Variants in PATJ observed in about 807,000 individuals in gnomAD.
The protein encoded by PATJ is PATJ crumbs cell polarity complex component.
A neutral mutation model predicts 224.9 loss-of-function variants in PATJ; 190 were observed. The ratio of observed to expected loss-of-function variants is 0.84; its 90% CI spans 0.75 to 0.95. The LOEUF (loss-of-function observed/expected upper bound fraction) is 0.95, where lower values mean the gene tolerates loss of function less well. Ranked by LOEUF, PATJ falls within the 40% of genes least tolerant of loss-of-function variation. The pLI is 0.00. For synonymous variants in PATJ, 769 were observed against 820.3 expected (o/e 0.94, Z 1.07); for missense variants, 2,121 against 2,270.3 (o/e 0.93, Z 1.34).
chr1:61,788,698 G>A (rs1042853277), intron 8 of PATJ, among the ~76,000 whole-genome samples: 9 of 151,894 alleles, frequency 5.9e-5, no homozygotes, highest in Admixed American at 2.6e-4. Flanking sequence ...TTTTGAGATG[G>A]AGTTTTGCTC....
intron 24 of PATJ, 127 bp downstream of exon 24, chr1:61,901,586 A>G (rs549535469): frequency 4.8e-6 from 3 of 627,414 alleles, no homozygotes; most frequent in African/African-American, 3.9e-5. Context: ...CTCTATTTAT[A>G]TGCCTTAGTT....
chr1:62,157,822 C>T (rs556125192), intron 43 of PATJ, among the ~76,000 whole-genome samples: 4 of 103,734 alleles, frequency 3.9e-5, no homozygotes, highest in East Asian at 5.4e-4. Context: ...CAGAGTGAGA[C>T]TCTGTCTCCA....
chr1:61,779,265 T>C (rs1647113204), intron 7 of PATJ, among the ~76,000 whole-genome samples: 1 of 152,102 alleles, frequency 6.6e-6, no homozygotes, highest in African/African-American at 2.4e-5. Flanking sequence ...CCAAAATACG[T>C]AGGGAAGGCC....
At chr1:61,831,013 C>T (rs752453859) in intron 16 of PATJ, among the ~76,000 whole-genome samples, 1 of 151,738 alleles carries the variant, frequency 6.6e-6, no homozygotes, top group Non-Finnish European at 1.5e-5. Flanking sequence ...CAGTGAAACC[C>T]CATCTCTACT....
chr1:61,808,561 T>G (rs780922806), intron 14 of PATJ, 31 bp downstream of exon 14: 2 of 1,432,582 alleles, frequency 1.4e-6, no homozygotes, highest in African/African-American at 2.8e-5. Flanking sequence ...AGTTAACAGT[T>G]TTATTTTTTT....
intron 3 of PATJ, among the ~76,000 whole-genome samples, chr1:61,765,483 A>T (rs1646223065): frequency 6.6e-6 from 1 of 151,656 alleles, no homozygotes; most frequent in African/African-American, 2.4e-5. Context: ...TGCGGGATTC[A>T]AGCAATTCTC....
intron 27 of PATJ, among the ~76,000 whole-genome samples, chr1:61,941,385 T>G (rs975277091): frequency 2.6e-5 from 4 of 152,204 alleles, no homozygotes; most frequent in Admixed American, 1.3e-4. Flanking sequence ...GCACGATGGC[T>G]CATGCCTGTA....
chr1:61,987,264 G>A (rs1414751739), intron 27 of PATJ, among the ~76,000 whole-genome samples: 1 of 151,940 alleles, frequency 6.6e-6, no homozygotes, highest in African/African-American at 2.4e-5. Flanking sequence ...TTCTTTTATG[G>A]CCCAATATGC....
intron 27 of PATJ, among the ~76,000 whole-genome samples, chr1:61,951,019 T>C (rs1429905149): frequency 6.6e-6 from 1 of 152,078 alleles, no homozygotes; most frequent in Admixed American, 6.6e-5. Flanking sequence ...TGGTGGCACA[T>C]GCCTGTAATC....
At chr1:61,966,121 C>G (rs56224159) in intron 27 of PATJ, among the ~76,000 whole-genome samples, 2 of 152,038 alleles carry the variant, frequency 1.3e-5, no homozygotes, top group African/African-American at 2.4e-5. Flanking sequence ...AGGCTGTTCT[C>G]GAACTCCTGA....
chr1:61,757,464 A>C (rs555184608), intron 1 of PATJ, among the ~76,000 whole-genome samples: 14 of 152,182 alleles, frequency 9.2e-5, no homozygotes, highest in Admixed American at 2.0e-4. Flanking sequence ...GGCTCACTGC[A>C]GCCTCAACCT....
Position 61,766,280 on chromosome 1 carries a change from T to A in PATJ, c.191T>A (p.Leu64His). 6.3e-7 allele frequency: 1 copy of A among 1,576,764 alleles called. No individual in the cohort carries two copies. Among genetic ancestry groups the A allele is most frequent in the Non-Finnish European group, 8.6e-7 (1 of 1,166,420 alleles). ...QQSIKQLKGQLNHIPSDCSAN... is the reference protein window; with the variant it reads ...QQSIKQLKGQHNHIPSDCSAN... ...ATTCTTTTTTTTTCTCTCCAACAGC[T>A]CAACCATATACCCTCAGATTGTTCA... The change falls in exon 4 of 44, where the codon CTC (leucine) becomes CAC (histidine). Residue 64 changes from leucine to histidine, a missense_variant and splice_region_variant. By Grantham distance (99) the Leu-to-His change is moderately conservative (BLOSUM62 -3). Coordinates refer to ENST00000642238, the MANE Select transcript of PATJ (RefSeq NM_001350145.3).
chr1:61,794,904 C>A (rs986383961), intron 9 of PATJ, among the ~76,000 whole-genome samples: 2 of 151,990 alleles, frequency 1.3e-5, no homozygotes, highest in Non-Finnish European at 2.9e-5. Context: ...ATCACTTGAA[C>A]TCTGAAAGTG....
At chr1:61,863,611 C>G (rs1418765822) in intron 19 of PATJ, among the ~76,000 whole-genome samples, 2 of 152,092 alleles carry the variant, frequency 1.3e-5, no homozygotes, top group African/African-American at 4.8e-5. Flanking sequence ...GTGGTATGCA[C>G]TAGCTGTTCT....
At position 61,988,541 on chromosome 1, in the gene PATJ, A is replaced by G. The variant is rs529679902; in HGVS notation, c.3671-1627A>G. On this transcript the variant is annotated intron_variant, in intron 27 of 43. Coordinates refer to ENST00000642238, the MANE Select transcript of PATJ (RefSeq NM_001350145.3). ...TTAACTCTTTTCCTATATAGTTAAC[A>G]GTTTTGTGATCTTGCAAGTCCTTCA... Among the ~76,000 whole-genome samples the G allele has an allele frequency of 2.0e-5, 3 of 152,182 alleles. 1 individual carries two copies. The highest frequency in any genetic ancestry group is 4.4e-5 in the Non-Finnish European group (3 of 68,030).
chr1:62,070,495 T>G lies in PATJ; in HGVS notation c.4126-8955T>G, dbSNP rs367585865. On this transcript the variant is annotated intron_variant, in intron 31 of 43. Coordinates refer to ENST00000642238, the MANE Select transcript of PATJ (RefSeq NM_001350145.3). Reference sequence around the variant, plus strand: ...TTCTGCCATATGTTGAAGAAAGAAATAAGACAAAGTCGATCATATTAAGAT... The same window carrying G: ...TTCTGCCATATGTTGAAGAAAGAAAGAAGACAAAGTCGATCATATTAAGAT... Among the ~76,000 whole-genome samples, 7 of 152,138 alleles carry G rather than the reference T, an allele frequency of 4.6e-5. No individual in the cohort carries two copies. The East Asian group carries it at 1.3e-3, about 29-fold the overall frequency.
At chr1:62,149,804 ATT>A (rs10557763) in intron 42 of PATJ, among the ~76,000 whole-genome samples, 12,926 of 146,688 alleles carry the variant, frequency 0.088, 677 homozygotes, top group Middle Eastern at 0.19. Context: ...TAACACTGGG[ATT>A]TTTTTTTTTT....
chr1:61,956,337 A>G (rs1318330843), intron 27 of PATJ, among the ~76,000 whole-genome samples: 1 of 152,218 alleles, frequency 6.6e-6, no homozygotes, highest in African/African-American at 2.4e-5. Context: ...GACCTAAGTA[A>G]GATGGAAATG....
intron 29 of PATJ, among the ~76,000 whole-genome samples, chr1:62,020,415 C>T (rs1647014053): frequency 6.6e-6 from 1 of 151,870 alleles, no homozygotes. Flanking sequence ...TTAAAGAGAG[C>T]AAAAAGAAAA....
Sources: gnomAD v4.1 joint callset for allele counts (sites outside exome capture counted in the v4.1 genomes callset) on GRCh38, gnomAD v4.1.1 for gene constraint, MANE v1.5 for transcripts, NCBI Gene and HGNC (gene_info 2026-07-23, HGNC 2026-07-21) for gene names.